GRIK4: variants seen among roughly 807,000 people sequenced by gnomAD.
The protein encoded by GRIK4 is glutamate receptor ionotropic, kainate 4.
Under a neutral mutation model 104.9 loss-of-function variants are expected in GRIK4, and 40 were observed. The ratio of observed to expected loss-of-function variants is 0.38; its 90% CI spans 0.30 to 0.50. The LOEUF is 0.50. GRIK4 is among the 20% of genes least tolerant of loss of function. The pLI, the probability that GRIK4 is intolerant of heterozygous loss-of-function variation, is 0.93. For synonymous variants in GRIK4, 485 were observed against 524.9 expected, an observed-to-expected ratio of 0.92 and a Z score of 1.04; for missense variants, 1,047 against 1,308.1, an observed-to-expected ratio of 0.80 and a Z score of 3.08.
chr11:120,759,890 G>T (rs569362462), intron 3 of GRIK4, among the ~76,000 whole-genome samples: 126 of 152,038 alleles, frequency 8.3e-4, no homozygotes, highest in African/African-American at 2.9e-3. Context: ...GATGTTAGGG[G>T]ATACATATAG....
chr11:120,577,113 G>T (rs1948495624), intron 1 of GRIK4, among the ~76,000 whole-genome samples: 1 of 152,216 alleles, frequency 6.6e-6, no homozygotes, highest in African/African-American at 2.4e-5. Context: ...TTATCCAGGT[G>T]GTTAATATTT....
At chr11:120,892,099 G>A (rs1481963838) in intron 11 of GRIK4, among the ~76,000 whole-genome samples, 1 of 152,186 alleles carries the variant, frequency 6.6e-6, no homozygotes, top group East Asian at 1.9e-4. Flanking sequence ...GGGGCTGGGG[G>A]GCAGGGGTTC....
chr11:120,771,728 G>A (rs1008531856), intron 3 of GRIK4, among the ~76,000 whole-genome samples: 2 of 152,342 alleles, frequency 1.3e-5, no homozygotes, highest in African/African-American at 4.8e-5. Context: ...ACATTTCAGG[G>A]ATCATCAGCA....
At position 120,819,829 on chromosome 11, in the gene GRIK4, C is replaced by G. The variant is rs756289962; in HGVS notation, c.420C>G (p.His140Gln). ...QFQRFTTLNL[H>Q]PSNTDISVAV... ...AGAGATTCACAACCCTGAACCTCCA[C>G]CCCAGCAACACTGACATCAGCGTGG... The change falls in exon 6 of 21, where the codon CAC becomes CAG. Residue 140 changes from histidine to glutamine, a missense_variant. Physicochemically the swap from His to Gln is conservative, Grantham distance 24. Around this residue, in one of 3 missense-constraint regions of GRIK4, gnomAD observed 447 missense variants for 514.9 expected, o/e 0.87. Transcript: ENST00000527524. This position sits in a 1 kb window ranked among gnomAD's most constrained non-coding sequence, Gnocchi z 4.3. 1.9e-6 allele frequency: 3 copies of G among 1,613,916 alleles called. No homozygotes were observed. Among genetic ancestry groups the G allele is most frequent in the Non-Finnish European group, 2.5e-6 (3 of 1,179,878 alleles).
At chr11:120,913,955 A>G (rs1383386909) in intron 13 of GRIK4, among the ~76,000 whole-genome samples, 1 of 152,190 alleles carries the variant, frequency 6.6e-6, no homozygotes, top group Non-Finnish European at 1.5e-5. Flanking sequence ...AATTCTATTC[A>G]GCATTCTTTA....
chr11:120,550,263 G>A (rs1450686424), intron 1 of GRIK4, among the ~76,000 whole-genome samples: 2 of 147,998 alleles, frequency 1.4e-5, no homozygotes, highest in Non-Finnish European at 3.0e-5. Flanking sequence ...GGGCTGAAAG[G>A]AAGAGGTGGA....
At chr11:120,783,881 G>A (rs1024173020) in intron 3 of GRIK4, among the ~76,000 whole-genome samples, 1 of 152,202 alleles carries the variant, frequency 6.6e-6, no homozygotes. Flanking sequence ...TTTTGAGGGA[G>A]GACAGACCTG....
intron 3 of GRIK4, among the ~76,000 whole-genome samples, chr11:120,691,480 T>C (rs1950362794): frequency 6.6e-6 from 1 of 152,198 alleles, no homozygotes; most frequent in Non-Finnish European, 1.5e-5. Context: ...CTCAGCATTG[T>C]TAAATAACTT....
At chr11:120,982,357 G>A in intron 20 of GRIK4, 133 bp downstream of exon 20, 1 of 663,506 alleles carries the variant, frequency 1.5e-6, no homozygotes, top group East Asian at 2.5e-5. Context: ...CCCAGCAGAG[G>A]GGATTTGGAT....
intron 1 of GRIK4, among the ~76,000 whole-genome samples, chr11:120,640,096 A>C (rs1034742301): frequency 1.1e-4 from 16 of 152,202 alleles, no homozygotes; most frequent in African/African-American, 3.6e-4. Flanking sequence ...CTTGGACCTC[A>C]TGCAAGAAAG....
chr11:120,830,991 C>T (rs1269629194), intron 6 of GRIK4, among the ~76,000 whole-genome samples: 1 of 151,992 alleles, frequency 6.6e-6, no homozygotes, highest in Non-Finnish European at 1.5e-5. Context: ...GGAACCCCTC[C>T]TCCCACCAGG....
intron 1 of GRIK4, among the ~76,000 whole-genome samples, chr11:120,543,891 G>T (rs1454176252): frequency 1.3e-5 from 2 of 152,224 alleles, no homozygotes; most frequent in Non-Finnish European, 1.5e-5. Flanking sequence ...GGTACAGAAA[G>T]ACAAATATTG....
intron 12 of GRIK4, among the ~76,000 whole-genome samples, chr11:120,900,735 T>A (rs934618055): frequency 6.6e-6 from 1 of 152,020 alleles, no homozygotes; most frequent in Non-Finnish European, 1.5e-5. Flanking sequence ...GGAGGGGTAT[T>A]CTTGGCACAG....
intron 1 of GRIK4, among the ~76,000 whole-genome samples, chr11:120,609,960 G>C (rs1183840625): frequency 6.6e-6 from 1 of 151,904 alleles, no homozygotes; most frequent in Non-Finnish European, 1.5e-5. Context: ...TCCCCTCTCC[G>C]AGCCCCAGTC....
At position 120,985,972 on chromosome 11, in the gene GRIK4, C is replaced by G; in HGVS notation, c.2583C>G (p.Pro861=). 6.5e-7 allele frequency: 1 copy of G among 1,536,146 alleles called. No individual in the cohort carries two copies. Among genetic ancestry groups the G allele is most frequent in the Non-Finnish European group, 8.8e-7 (1 of 1,141,566 alleles). The change falls in exon 21 of 21, where the codon CCC becomes CCG. Residue 861 remains proline (P), a synonymous_variant. Coordinates refer to ENST00000527524, the MANE Select transcript of GRIK4 (RefSeq NM_014619.5). ...SIILCQDSIH[P]RRRRAAVPPP... ...TCCTGTGTCAGGACAGTATCCACCC[C>G]CGCCGGCGGCGCGCCGCAGTCCCGC... is the stretch of plus-strand genomic sequence containing the variant.
At chr11:120,679,112 A>G (rs1950151965) in intron 3 of GRIK4, among the ~76,000 whole-genome samples, 1 of 152,180 alleles carries the variant, frequency 6.6e-6, no homozygotes, top group African/African-American at 2.4e-5. Flanking sequence ...GCATTTATTC[A>G]GTATTTATTA....
chr11:120,786,398 T>G (rs1367575087), intron 3 of GRIK4, among the ~76,000 whole-genome samples: 3 of 152,246 alleles, frequency 2.0e-5, no homozygotes, highest in African/African-American at 4.8e-5. Context: ...ATATGCAGCC[T>G]TTCCTTTCTG....
At chr11:120,546,165 CAGG>C (rs1269675420) in intron 1 of GRIK4, among the ~76,000 whole-genome samples, 2 of 152,152 alleles carry the variant, frequency 1.3e-5, no homozygotes, top group Admixed American at 1.3e-4. Flanking sequence ...GTGGAGGAGA[CAGG>C]AGATTTTAGC....
chr11:120,653,156 A>T (rs1215385557), intron 1 of GRIK4, among the ~76,000 whole-genome samples: 1 of 152,248 alleles, frequency 6.6e-6, no homozygotes, highest in East Asian at 1.9e-4. Context: ...GGCACTGTCC[A>T]AGGTGCTGAA....
Sources: gnomAD v4.1 joint callset for allele counts (sites outside exome capture counted in the v4.1 genomes callset) on GRCh38, gnomAD v4.1.1 for gene constraint, gnomAD v4.1.1 regional missense constraint, Gnocchi (gnomAD v3.1) non-coding constraint, MANE v1.5 for transcripts, NCBI Gene and HGNC (gene_info 2026-07-23, HGNC 2026-07-21) for gene names.